The following ANKS1B variants were observed in gnomAD, a reference collection of about 807,000 sequenced individuals.
ANKS1B encodes the protein ankyrin repeat and sterile alpha motif domain containing 1B.
Under a neutral mutation model 148.3 loss-of-function variants are expected in ANKS1B, and 36 were observed. That is an observed-to-expected ratio of 0.24 (90% CI 0.19 to 0.32). The LOEUF is 0.32. ANKS1B is among the 10% of genes least tolerant of loss of function. The probability of loss-of-function intolerance (pLI) is 1.00; values close to 1 mark genes in which losing one functional copy is unlikely to be tolerated. For synonymous variants in ANKS1B, 542 were observed against 560.8 expected, an observed-to-expected ratio of 0.97 and a Z score of 0.47; for missense variants, 1,157 against 1,542.6, an observed-to-expected ratio of 0.75 and a Z score of 4.19.
At chr12:99,634,898 A>G (rs10860480) in intron 9 of ANKS1B, among the ~76,000 whole-genome samples, 24,220 of 152,230 alleles carry the variant, frequency 0.16, 2,098 homozygotes, top group Middle Eastern at 0.19. Flanking sequence ...TCCAGAATAT[A>G]TAAGAAACTC....
chr12:99,699,020 C>A (rs1001752048), intron 8 of ANKS1B, among the ~76,000 whole-genome samples: 1 of 152,080 alleles, frequency 6.6e-6, no homozygotes, highest in Non-Finnish European at 1.5e-5. Flanking sequence ...TTTATTAGCT[C>A]TAACAGATTT....
chr12:98,830,479 G>C (rs775551887), intron 18 of ANKS1B, among the ~76,000 whole-genome samples: 15 of 152,092 alleles, frequency 9.9e-5, no homozygotes, highest in Non-Finnish European at 2.1e-4. Flanking sequence ...TGCATCCCCT[G>C]AAATCCTTGC....
At chr12:99,564,800 T>C (rs372715414) in intron 9 of ANKS1B, among the ~76,000 whole-genome samples, 1 of 152,142 alleles carries the variant, frequency 6.6e-6, no homozygotes, top group East Asian at 1.9e-4. Flanking sequence ...TTTTCAAACT[T>C]GAAATTAATT....
chr12:99,664,970 A>G (rs561662138), intron 8 of ANKS1B, among the ~76,000 whole-genome samples: 62 of 152,328 alleles, frequency 4.1e-4, no homozygotes, highest in African/African-American at 1.4e-3. Context: ...TTTTTAATCC[A>G]AAGTAATATT....
chr12:99,495,458 G>A (rs1414003180), intron 10 of ANKS1B, among the ~76,000 whole-genome samples: 1 of 151,032 alleles, frequency 6.6e-6, no homozygotes, highest in African/African-American at 2.4e-5. Context: ...TTTTTAATTG[G>A]TAAACTGTCC....
chr12:99,913,716 A>G (rs1045526831), intron 1 of ANKS1B, among the ~76,000 whole-genome samples: 2 of 152,024 alleles, frequency 1.3e-5, no homozygotes, highest in African/African-American at 4.8e-5. Context: ...AATTAAGAAA[A>G]TATATATATT....
chr12:99,543,059 G>A (rs2097141469), intron 9 of ANKS1B, among the ~76,000 whole-genome samples: 1 of 152,040 alleles, frequency 6.6e-6, no homozygotes, highest in Non-Finnish European at 1.5e-5. Flanking sequence ...CAGACTAGGA[G>A]AACGTATTTA....
intron 4 of ANKS1B, among the ~76,000 whole-genome samples, chr12:99,799,533 A>G (rs1386663924): frequency 6.6e-6 from 1 of 152,142 alleles, no homozygotes; most frequent in Non-Finnish European, 1.5e-5. Flanking sequence ...GGAGCAGGAA[A>G]CAAATTTTCT....
chr12:98,925,587 A>T (rs2099807014), intron 17 of ANKS1B, among the ~76,000 whole-genome samples: 1 of 152,230 alleles, frequency 6.6e-6, no homozygotes, highest in East Asian at 1.9e-4. Context: ...GCTGAATCCC[A>T]GTAAAAACAG....
At chr12:99,614,962 G>T (rs1235500514) in intron 9 of ANKS1B, among the ~76,000 whole-genome samples, 8 of 150,568 alleles carry the variant, frequency 5.3e-5, no homozygotes, top group Non-Finnish European at 1.2e-4. Flanking sequence ...GAAATCTCAA[G>T]GATCTCCAAT....
intron 15 of ANKS1B, among the ~76,000 whole-genome samples, chr12:99,130,251 A>G (rs557252964): frequency 1.3e-5 from 2 of 152,316 alleles, no homozygotes; most frequent in African/African-American, 4.8e-5. Context: ...GTTTTGTGAA[A>G]CATGAAAGAT....
chr12:99,600,474 A>G (rs1294772175), intron 9 of ANKS1B, among the ~76,000 whole-genome samples: 1 of 152,048 alleles, frequency 6.6e-6, no homozygotes, highest in East Asian at 1.9e-4. Flanking sequence ...CACTAAATAA[A>G]TGTTGAAAAC....
intron 1 of ANKS1B, among the ~76,000 whole-genome samples, chr12:99,894,508 CAA>C (rs777618998): frequency 1.6e-5 from 1 of 64,250 alleles, no homozygotes; most frequent in Admixed American, 2.0e-4. Flanking sequence ...GACCCTGTCT[CAA>C]AAAAAAAAAA....
chr12:99,389,632 A>G (rs772636667), intron 12 of ANKS1B, among the ~76,000 whole-genome samples: 1 of 152,216 alleles, frequency 6.6e-6, no homozygotes, highest in Non-Finnish European at 1.5e-5. Flanking sequence ...GGAGAGAAAA[A>G]CTACTAAGTA....
intron 8 of ANKS1B, among the ~76,000 whole-genome samples, chr12:99,707,290 C>T (rs2055954790): frequency 6.6e-6 from 1 of 152,014 alleles, no homozygotes; most frequent in Non-Finnish European, 1.5e-5. Context: ...GCACGGCAAC[C>T]TCAGATGACT....
chr12:98,756,505 G>T (rs1007775649), intron 25 of ANKS1B, among the ~76,000 whole-genome samples: 1 of 148,236 alleles, frequency 6.7e-6, no homozygotes, highest in Non-Finnish European at 1.5e-5. Flanking sequence ...TTGAGGTCAG[G>T]AGTTCAAGAC....
intron 15 of ANKS1B, among the ~76,000 whole-genome samples, chr12:99,105,378 G>C (rs1250893215): frequency 1.3e-5 from 2 of 152,082 alleles, no homozygotes; most frequent in Non-Finnish European, 2.9e-5. Context: ...GAAAGCAAAA[G>C]TGACAGCAAA....
intron 17 of ANKS1B, among the ~76,000 whole-genome samples, chr12:99,037,956 A>C (rs943951329): frequency 6.6e-6 from 1 of 152,182 alleles, no homozygotes; most frequent in Non-Finnish European, 1.5e-5. Flanking sequence ...GTGGTGGTAG[A>C]GAAAGGGCAC....
intron 8 of ANKS1B, among the ~76,000 whole-genome samples, chr12:99,760,823 A>G (rs1394353763): frequency 3.3e-5 from 5 of 151,590 alleles, no homozygotes; most frequent in Non-Finnish European, 7.4e-5. Context: ...AGAAGAGACA[A>G]TATCCAAATA....
Sources: allele counts gnomAD v4.1 joint callset (sites outside exome capture counted in the v4.1 genomes callset), GRCh38; gene constraint gnomAD v4.1.1; transcripts MANE v1.5; gene names NCBI Gene and HGNC (gene_info 2026-07-23, HGNC 2026-07-21).